PCCB: variants seen among roughly 807,000 people sequenced by gnomAD.
PCCB encodes the protein propionyl-CoA carboxylase beta chain, mitochondrial.
A neutral mutation model predicts 60.7 loss-of-function variants in PCCB; 43 were observed. The observed-to-expected ratio is 0.71, with a 90% CI of 0.55 to 0.91. The LOEUF (loss-of-function observed/expected upper bound fraction) is 0.91, where lower values mean the gene tolerates loss of function less well. Among genes scored for constraint, PCCB ranks in the 40% least tolerant of loss-of-function variants. The pLI is 0.00. For synonymous variants in PCCB, 276 were observed against 255.9 expected (o/e 1.08, Z -0.75); for missense variants, 766 against 702.8 (o/e 1.09, Z -1.02).
intron 5 of PCCB, among the ~76,000 whole-genome samples, chr3:136,267,296 C>T (rs935685658): frequency 2.0e-5 from 3 of 152,222 alleles, no homozygotes; most frequent in African/African-American, 7.2e-5. Context: ...AGCAATCCTC[C>T]TGCCTTAGCC....
chr3:136,325,538 A>G lies in PCCB; in HGVS notation c.1091-1265A>G, dbSNP rs566354263. ...CGCCTGGCTAATTTTTGTATTTTTT[A>G]GTAGAGATGAGGTTTCACCATGTTG... is the stretch of plus-strand genomic sequence containing the variant. On this transcript the variant is annotated intron_variant, in intron 10 of 14. Transcript: ENST00000251654. 9.3e-5 allele frequency among the ~76,000 whole-genome samples: 14 copies of G among 151,286 alleles called. No homozygotes were observed. The South Asian group carries it at 2.9e-3, about 32-fold the overall frequency.
At chr3:136,318,268 G>A (rs987417451) in intron 10 of PCCB, among the ~76,000 whole-genome samples, 4 of 152,064 alleles carry the variant, frequency 2.6e-5, no homozygotes, top group Non-Finnish European at 5.9e-5. Context: ...TGCTTGAGCC[G>A]GGGAGGAGGA....
chr3:136,266,678 C>T (rs1184140865), intron 5 of PCCB, among the ~76,000 whole-genome samples: 3 of 152,194 alleles, frequency 2.0e-5, no homozygotes, highest in Non-Finnish European at 4.4e-5. Flanking sequence ...TCATGTTGAG[C>T]ATCTTTATGT....
chr3:136,288,197 A>C (rs551768849), intron 6 of PCCB, among the ~76,000 whole-genome samples: 2 of 152,316 alleles, frequency 1.3e-5, no homozygotes, highest in South Asian at 2.1e-4. Context: ...AATGTAGTCT[A>C]TCTTGGTGAA....
intron 5 of PCCB, among the ~76,000 whole-genome samples, chr3:136,279,984 A>C (rs1334505092): frequency 6.6e-6 from 1 of 152,000 alleles, no homozygotes; most frequent in Non-Finnish European, 1.5e-5. Context: ...TATTTTTGTA[A>C]ATTTTATTTT....
intron 5 of PCCB, 152 bp from the exon 6 acceptor site, chr3:136,283,685 T>A (rs1168714810): frequency 6.3e-6 from 4 of 630,282 alleles, no homozygotes; most frequent in Non-Finnish European, 1.1e-5. Context: ...CATATAATTC[T>A]TAAAGAACTT....
chr3:136,328,238 G>C (rs1054672342), intron 13 of PCCB, among the ~76,000 whole-genome samples: 2 of 152,064 alleles, frequency 1.3e-5, no homozygotes, highest in Admixed American at 6.5e-5. Context: ...TATTGTGGTC[G>C]AATCAGATAA....
Position 136,250,559 on chromosome 3 carries a change from G to T in PCCB, c.183+1G>T. 3.7e-6 allele frequency: 6 copies of T among 1,611,484 alleles called. No homozygotes were observed. The highest frequency in any genetic ancestry group is 5.1e-6 in the Non-Finnish European group (6 of 1,179,344). ...CCGTATTGACGCGCAGCACAAGCGA[G>T]TGAGTCCTGAGGGGCCTAAGTGAGT... On this transcript the variant is annotated splice_donor_variant, in intron 1 of 14. Transcript: ENST00000251654. LOFTEE classifies it high-confidence loss of function.
chr3:136,327,380 CTT>C (rs1935361294), intron 12 of PCCB, 125 bp downstream of exon 12: 7 of 792,284 alleles, frequency 8.8e-6, no homozygotes, highest in South Asian at 2.9e-5. Flanking sequence ...AAAAAGATCT[CTT>C]GAGGATGTTG....
Position 136,307,717 on chromosome 3 carries a change from T to TG in PCCB, c.966+6607dup, listed in dbSNP as rs556170282. 5.9e-5 allele frequency among the ~76,000 whole-genome samples: 9 copies of TG among 152,304 alleles called. No individual in the cohort carries two copies. The East Asian group carries it at 1.7e-3, about 29-fold the overall frequency. On this transcript the variant is annotated intron_variant, in intron 9 of 14. Transcript: ENST00000251654. ...CAGGCCAGGCGTGGTGGCTCATGCC[T>TG]GTAATTCCAGTACTTTGGGAGGCTG... is the stretch of plus-strand genomic sequence containing the variant.
At position 136,268,063 on chromosome 3, in the gene PCCB, T is replaced by C. The variant is rs552852568; in HGVS notation, c.543+5998T>C. ...CAAACCTGGCTAGTGTGTGTGTGTG[T>C]GCGTGTGTGTGTGTGTGTGTGTAGA... On this transcript the variant is annotated intron_variant, in intron 5 of 14. Transcript: ENST00000251654. 3.2e-3 allele frequency among the ~76,000 whole-genome samples: 295 copies of C among 91,594 alleles called. 1 individual carries two copies. The highest frequency in any genetic ancestry group is 0.032 in the South Asian group (80 of 2,524). 60.1% of individuals were successfully genotyped at this position (91,594 alleles called of 152,430 possible).
intron 9 of PCCB, among the ~76,000 whole-genome samples, chr3:136,309,792 AC>A (rs1334171610): frequency 6.6e-6 from 1 of 151,176 alleles, no homozygotes; most frequent in Non-Finnish European, 1.5e-5. Flanking sequence ...ACATAGTGAG[AC>A]CCTGTCTCAA....
chr3:136,259,442 G>C (rs1049867413), intron 3 of PCCB, among the ~76,000 whole-genome samples: 1 of 152,186 alleles, frequency 6.6e-6, no homozygotes, highest in Non-Finnish European at 1.5e-5. Context: ...TCCAGCCTGG[G>C]TGACAGAGCA....
intron 5 of PCCB, among the ~76,000 whole-genome samples, chr3:136,273,860 C>T (rs535119987): frequency 4.8e-4 from 66 of 137,444 alleles, no homozygotes; most frequent in South Asian, 4.5e-4. Flanking sequence ...TGCAGTGAGC[C>T]GAGGTTGCAC....
chr3:136,284,572 A>G (rs554175932), intron 6 of PCCB, among the ~76,000 whole-genome samples: 1 of 152,330 alleles, frequency 6.6e-6, no homozygotes, highest in African/African-American at 2.4e-5. Context: ...TTGGATGCCA[A>G]GACAGAATGG....
At position 136,268,102 on chromosome 3, in the gene PCCB, A is replaced by ATATATATATATATATG. The variant is rs1560002497; in HGVS notation, c.543+6052_543+6053insGTATATATATATATAT. ...TGTGTGTGTAGATATATATATATAT[A>ATATATATATATATATG]TATATATATATATATATATGTATAT... On this transcript the variant is annotated intron_variant, in intron 5 of 14. Coordinates refer to ENST00000251654, the MANE Select transcript of PCCB (RefSeq NM_000532.5). 9.1e-4 allele frequency among the ~76,000 whole-genome samples: 107 copies of ATATATATATATATATG among 117,602 alleles called. 3 individuals carry two copies. Among genetic ancestry groups the ATATATATATATATATG allele is most frequent in the East Asian group, 5.5e-3 (22 of 4,024 alleles). 77.2% of individuals were successfully genotyped at this position (117,602 alleles called of 152,430 possible). A position where few individuals can be genotyped will look rare whatever the true frequency, so the allele number is the denominator to read the frequency against.
chr3:136,279,039 C>G (rs1576322886), intron 5 of PCCB, among the ~76,000 whole-genome samples: 1 of 152,098 alleles, frequency 6.6e-6, no homozygotes, highest in Non-Finnish European at 1.5e-5. Flanking sequence ...AGATGTGAAC[C>G]TTTTATCAAT....
Position 136,303,986 on chromosome 3 carries a change from T to TA in PCCB, c.966+2875_966+2876insA, listed in dbSNP as rs199925968. ...CATAGCTTAAACAACAGAAATTTAT[T>TA]TTCTGTCAGTTCTGGAGGCTAGAAG... On this transcript the variant is annotated intron_variant, in intron 9 of 14. Transcript: ENST00000251654. Among the ~76,000 whole-genome samples the TA allele has an allele frequency of 0.016, 1,974 of 121,322 alleles. 358 individuals carry two copies. In the East Asian group the frequency reaches 0.24, roughly 15 times the overall value. 79.6% of individuals were successfully genotyped at this position (121,322 alleles called of 152,430 possible). A position where few individuals can be genotyped will look rare whatever the true frequency, so the allele number is the denominator to read the frequency against.
intron 8 of PCCB, among the ~76,000 whole-genome samples, chr3:136,300,645 T>C (rs1484430977): frequency 6.6e-6 from 1 of 152,220 alleles, no homozygotes; most frequent in African/African-American, 2.4e-5. Context: ...TCCAAGTCCT[T>C]GTTCTTTTAA....
Sources: allele counts gnomAD v4.1 joint callset (sites outside exome capture counted in the v4.1 genomes callset), GRCh38; gene constraint gnomAD v4.1.1; transcripts MANE v1.5; gene names NCBI Gene and HGNC (gene_info 2026-07-23, HGNC 2026-07-21).